Variants in PTPN9 observed in about 807,000 individuals in gnomAD.
The protein encoded by PTPN9 is tyrosine-protein phosphatase non-receptor type 9.
In PTPN9, 26 loss-of-function variants were observed where a neutral mutation model predicts 69.8. The ratio of observed to expected loss-of-function variants is 0.37; its 90% CI spans 0.27 to 0.52. The LOEUF is 0.52. Ranked by LOEUF, PTPN9 falls within the 20% of genes least tolerant of loss-of-function variation. The pLI is 0.91. For synonymous variants in PTPN9, 274 were observed against 272.5 expected (o/e 1.01, Z -0.05); for missense variants, 549 against 740.3 (o/e 0.74, Z 3.00).
intron 7 of PTPN9, among the ~76,000 whole-genome samples, chr15:75,496,523 G>A (rs921935870): frequency 6.7e-6 from 1 of 150,282 alleles, no homozygotes; most frequent in East Asian, 1.9e-4. Flanking sequence ...TTGAGACAGG[G>A]TCTCGCTCTG....
intron 8 of PTPN9, among the ~76,000 whole-genome samples, chr15:75,482,288 G>A (rs1208602923): frequency 2.0e-5 from 3 of 152,016 alleles, no homozygotes; most frequent in African/African-American, 4.8e-5. Flanking sequence ...TCACCAGGCC[G>A]GGCGCGGTGG....
At chr15:75,552,196 C>T (rs1057063927) in intron 1 of PTPN9, among the ~76,000 whole-genome samples, 2 of 150,118 alleles carry the variant, frequency 1.3e-5, no homozygotes, top group Admixed American at 1.3e-4. Flanking sequence ...GTCGGGAGTT[C>T]GAGACCAGCC....
intron 1 of PTPN9, among the ~76,000 whole-genome samples, chr15:75,562,791 CAAAAA>C (rs60164759): frequency 2.5e-5 from 2 of 80,050 alleles, no homozygotes; most frequent in African/African-American, 9.7e-5. Context: ...AGACTCGTTT[CAAAAA>C]AAAAAAAAAA....
At chr15:75,543,085 T>C (rs957577638) in intron 1 of PTPN9, among the ~76,000 whole-genome samples, 45 of 145,588 alleles carry the variant, frequency 3.1e-4, no homozygotes, top group African/African-American at 1.0e-3. Flanking sequence ...CACCTATGAG[T>C]GAGAACATGC....
chr15:75,482,498 G>C (rs1389439008), intron 8 of PTPN9, among the ~76,000 whole-genome samples: 2 of 149,536 alleles, frequency 1.3e-5, no homozygotes, highest in African/African-American at 2.5e-5. Context: ...CCGGGAGGCG[G>C]AGCTTGCAGT....
At chr15:75,562,128 C>T (rs2075106442) in intron 1 of PTPN9, among the ~76,000 whole-genome samples, 1 of 152,184 alleles carries the variant, frequency 6.6e-6, no homozygotes, top group African/African-American at 2.4e-5. Flanking sequence ...ACTGGGATTA[C>T]AGGCATGACC....
Position 75,468,721 on chromosome 15 carries a change from G to A in PTPN9, c.*48C>T, listed in dbSNP as rs1156267880. 1 of 1,553,304 alleles carries A rather than the reference G, an allele frequency of 6.4e-7. No homozygotes were observed. Among genetic ancestry groups the A allele is most frequent in the South Asian group, 1.1e-5 (1 of 87,178 alleles). ...CAACCTATAGGCTCAGCGGTGTCCAGGGTAGTTTAAGGAAGGCTGGCCAAC... is the reference window on the plus strand; with the variant it reads ...CAACCTATAGGCTCAGCGGTGTCCAAGGTAGTTTAAGGAAGGCTGGCCAAC... On this transcript the variant is annotated 3_prime_UTR_variant, in exon 13 of 13. Coordinates refer to ENST00000618819, the MANE Select transcript of PTPN9 (RefSeq NM_002833.4).
intron 1 of PTPN9, among the ~76,000 whole-genome samples, chr15:75,560,505 T>TCTCA (rs1401235383): frequency 6.6e-6 from 1 of 152,190 alleles, no homozygotes; most frequent in African/African-American, 2.4e-5. Context: ...CAGGCCTTTC[T>TCTCA]CTCAGTAACT....
At chr15:75,549,571 G>A (rs2075048024) in intron 1 of PTPN9, among the ~76,000 whole-genome samples, 2 of 152,096 alleles carry the variant, frequency 1.3e-5, no homozygotes, top group Non-Finnish European at 2.9e-5. Flanking sequence ...GAGTACAGAT[G>A]TTAAAAGGCC....
chr15:75,487,841 A>G (rs1567475391), intron 8 of PTPN9: 1 of 152,256 alleles, frequency 6.6e-6, no homozygotes, highest in East Asian at 1.9e-4. Context: ...CACATGTCAT[A>G]TATGCCCAAA....
At chr15:75,531,854 C>T (rs889327962) in intron 1 of PTPN9, among the ~76,000 whole-genome samples, 15 of 152,246 alleles carry the variant, frequency 9.9e-5, no homozygotes, top group African/African-American at 2.9e-4. Context: ...CCACCACCCC[C>T]GGCCGAGACA....
At chr15:75,513,604 TA>T (rs2074854002) in intron 5 of PTPN9, among the ~76,000 whole-genome samples, 2 of 151,914 alleles carry the variant, frequency 1.3e-5, no homozygotes, top group Admixed American at 1.3e-4. Context: ...CCATTGCTAC[TA>T]AAAATACAAA....
intron 1 of PTPN9, among the ~76,000 whole-genome samples, chr15:75,550,004 T>G (rs2075050338): frequency 6.6e-6 from 1 of 151,230 alleles, no homozygotes; most frequent in East Asian, 1.9e-4. Flanking sequence ...AAAAACTGTC[T>G]TGATAAACTC....
chr15:75,569,653 G>A (rs909604242), intron 1 of PTPN9, among the ~76,000 whole-genome samples: 10 of 147,166 alleles, frequency 6.8e-5, no homozygotes, highest in Non-Finnish European at 1.0e-4. Flanking sequence ...TGCAGTGAGC[G>A]GAGATAGTGA....
intron 2 of PTPN9, among the ~76,000 whole-genome samples, chr15:75,525,485 C>A (rs1009263174): frequency 7.3e-5 from 11 of 151,632 alleles, no homozygotes; most frequent in Non-Finnish European, 1.5e-4. Context: ...TGAGCCACCG[C>A]GCCCAGCCTC....
At chr15:75,482,224 CA>C (rs1157339134) in intron 8 of PTPN9, among the ~76,000 whole-genome samples, 1 of 151,934 alleles carries the variant, frequency 6.6e-6, no homozygotes, top group East Asian at 1.9e-4. Flanking sequence ...AAGGGCGGTG[CA>C]AGATGTGCTT....
intron 2 of PTPN9, among the ~76,000 whole-genome samples, chr15:75,524,516 G>A (rs939252642): frequency 1.5e-4 from 23 of 152,208 alleles, no homozygotes; most frequent in African/African-American, 5.1e-4. Context: ...AGTGGCCCAC[G>A]CCTGTAATCC....
At chr15:75,478,695 A>G (rs1427985543) in intron 9 of PTPN9, among the ~76,000 whole-genome samples, 1 of 152,218 alleles carries the variant, frequency 6.6e-6, no homozygotes, top group East Asian at 1.9e-4. Flanking sequence ...ATTGTTTCCC[A>G]TGACTAGATT....
intron 9 of PTPN9, among the ~76,000 whole-genome samples, chr15:75,479,315 A>G (rs980227525): frequency 1.9e-4 from 29 of 152,210 alleles, no homozygotes; most frequent in Middle Eastern, 3.4e-3. Context: ...TCAAAGGAGA[A>G]AAAAAAATGA....
Sources: allele counts gnomAD v4.1 joint callset (sites outside exome capture counted in the v4.1 genomes callset), GRCh38; gene constraint gnomAD v4.1.1; transcripts MANE v1.5; gene names NCBI Gene and HGNC (gene_info 2026-07-23, HGNC 2026-07-21).